FKBP5: variants seen among roughly 807,000 people sequenced by gnomAD.
The protein encoded by FKBP5 is peptidyl-prolyl cis-trans isomerase FKBP5.
Under a neutral mutation model 50.5 loss-of-function variants are expected in FKBP5, and 23 were observed. That is an observed-to-expected ratio of 0.46 (90% confidence interval 0.33 to 0.65). The LOEUF is 0.65. Among genes scored for constraint, FKBP5 ranks in the 30% least tolerant of loss-of-function variants. FKBP5 has a pLI of 0.02. For missense variants in FKBP5, 411 were observed against 553.1 expected, an observed-to-expected ratio of 0.74 and a Z score of 2.58; for synonymous variants, 176 against 190.6, an observed-to-expected ratio of 0.92 and a Z score of 0.63.
At chr6:35,696,252 T>A (rs1396669595) in intron 2 of FKBP5, among the ~76,000 whole-genome samples, 1 of 151,044 alleles carries the variant, frequency 6.6e-6, no homozygotes, top group Non-Finnish European at 1.5e-5. Context: ...CCAGGCACGG[T>A]GGCTCCTGCC....
Position 35,597,410 on chromosome 6 carries a change from G to A in FKBP5, c.509-6C>T, listed in dbSNP as rs760188486. On this transcript the variant is annotated splice_polypyrimidine_tract_variant and splice_region_variant and intron_variant, in intron 5 of 10. Transcript: ENST00000357266. ...ACAGCGGCCTTCCAGGTGGACTGAGGGCAAGGAGACAGGAGAGTCAACAGA... is the reference window on the plus strand; with the variant it reads ...ACAGCGGCCTTCCAGGTGGACTGAGAGCAAGGAGACAGGAGAGTCAACAGA... 95 of 1,612,400 alleles carry A rather than the reference G, an allele frequency of 5.9e-5. No individual in the cohort carries two copies. The highest frequency in any genetic ancestry group is 7.5e-5 in the Non-Finnish European group (89 of 1,179,482).
chr6:35,709,502 A>G (rs1318971860), intron 2 of FKBP5, among the ~76,000 whole-genome samples: 1 of 152,256 alleles, frequency 6.6e-6, no homozygotes, highest in Non-Finnish European at 1.5e-5. Flanking sequence ...TGAATTTTTC[A>G]CCATGTGCAA....
chr6:35,633,166 G>A (rs1764210535), intron 3 of FKBP5, among the ~76,000 whole-genome samples: 1 of 152,068 alleles, frequency 6.6e-6, no homozygotes, highest in South Asian at 2.1e-4. Context: ...GATCAATGGA[G>A]TTCAATGAAT....
Position 35,638,821 on chromosome 6 carries a change from A to G in FKBP5, c.106-1663T>C, listed in dbSNP as rs545528803. Among the ~76,000 whole-genome samples, 9 of 152,378 alleles carry G rather than the reference A, an allele frequency of 5.9e-5. No individual in the cohort carries two copies. In the South Asian group the frequency reaches 1.9e-3, roughly 32 times the overall value. On this transcript the variant is annotated intron_variant, in intron 2 of 10. Coordinates refer to ENST00000357266, the MANE Select transcript of FKBP5 (RefSeq NM_004117.4). ...TCTAAAAGATATTACACAATATTCT[A>G]CAAGTGCTCATGTTCACGAACTGCA...
chr6:35,643,777 C>T (rs75748027), intron 1 of FKBP5, among the ~76,000 whole-genome samples: 104 of 152,322 alleles, frequency 6.8e-4, no homozygotes, highest in African/African-American at 2.0e-3. Context: ...TGCCCTTTTA[C>T]GTACTTCCTT....
intron 5 of FKBP5, among the ~76,000 whole-genome samples, chr6:35,611,750 G>C (rs900289072): frequency 6.6e-6 from 1 of 151,956 alleles, no homozygotes; most frequent in Non-Finnish European, 1.5e-5. Flanking sequence ...AAAGCGTAGG[G>C]GGACAGATTC....
At chr6:35,634,235 G>A (rs1421594223) in intron 3 of FKBP5, among the ~76,000 whole-genome samples, 1 of 152,050 alleles carries the variant, frequency 6.6e-6, no homozygotes, top group Non-Finnish European at 1.5e-5. Context: ...GAACAAGGGG[G>A]TCTGACAAGG....
chr6:35,651,436 G>T (rs772286591), intron 1 of FKBP5, among the ~76,000 whole-genome samples: 9 of 152,096 alleles, frequency 5.9e-5, no homozygotes, highest in African/African-American at 1.2e-4. Flanking sequence ...CTCTGGCTGG[G>T]GTATGTTGAG....
At chr6:35,708,825 T>C (rs143345765) in intron 2 of FKBP5, among the ~76,000 whole-genome samples, 91 of 152,210 alleles carry the variant, frequency 6.0e-4, no homozygotes, top group African/African-American at 2.1e-3. Context: ...GACAGCCATA[T>C]TGAAACATGA....
chr6:35,583,475 A>G (rs1762506815), intron 8 of FKBP5: 2 of 985,296 alleles, frequency 2.0e-6, no homozygotes, highest in Non-Finnish European at 2.4e-6. Flanking sequence ...TCTTGCATAT[A>G]TATCATGTAA....
At position 35,716,336 on chromosome 6, in the gene FKBP5, G is replaced by A. The variant is rs984039086; in HGVS notation, c.-20+3992C>T. Among the ~76,000 whole-genome samples the A allele has an allele frequency of 5.9e-5, 9 of 152,088 alleles. No individual in the cohort carries two copies. The South Asian group carries it at 1.0e-3, about 18-fold the overall frequency. On this transcript the variant is annotated intron_variant, in intron 2 of 11. Coordinates refer to the FKBP5 transcript ENST00000536438. ...TGCAGTGAGCTACGATTGTGCCACC[G>A]CACTCGTCTAGGCAACAGAAATCCT...
upstream of FKBP5, among the ~76,000 whole-genome samples, chr6:35,690,423 C>G (rs1765962622): frequency 3.3e-5 from 5 of 151,508 alleles, no homozygotes; most frequent in South Asian, 1.0e-3. Flanking sequence ...CGAGATCGCA[C>G]CATTGCACTC....
chr6:35,668,172 A>C (rs1765281733), intron 1 of FKBP5, among the ~76,000 whole-genome samples: 1 of 152,246 alleles, frequency 6.6e-6, no homozygotes, highest in Admixed American at 6.5e-5. Context: ...CACTGCATAA[A>C]ATCCAACTCT....
chr6:35,723,443 A>G (rs1187442621), intron 1 of FKBP5, among the ~76,000 whole-genome samples: 1 of 152,136 alleles, frequency 6.6e-6, no homozygotes, highest in Non-Finnish European at 1.5e-5. Context: ...GCGTGGAGGT[A>G]GGAACAAATG....
intron 5 of FKBP5, among the ~76,000 whole-genome samples, chr6:35,605,374 T>G (rs1317877759): frequency 2.2e-5 from 3 of 139,208 alleles, no homozygotes; most frequent in African/African-American, 7.9e-5. Flanking sequence ...GAGCCACCTA[T>G]GACAATATCT....
At chr6:35,602,796 C>A (rs761334988) in intron 5 of FKBP5, among the ~76,000 whole-genome samples, 1 of 152,108 alleles carries the variant, frequency 6.6e-6, no homozygotes, top group African/African-American at 2.4e-5. Context: ...TGCTAACAGG[C>A]GTGGAACCTG....
At chr6:35,689,583 C>T (rs780934627), upstream of FKBP5, among the ~76,000 whole-genome samples, 3 of 152,138 alleles carry the variant, frequency 2.0e-5, no homozygotes, top group Non-Finnish European at 2.9e-5. Context: ...TGGCTCACGC[C>T]TGTAATCCCA....
intron 1 of FKBP5, among the ~76,000 whole-genome samples, chr6:35,683,118 A>ATGTGTGTGTGTGTGTGTGTG (rs1269365673): frequency 9.2e-6 from 1 of 108,814 alleles, no homozygotes; most frequent in Admixed American, 1.0e-4. Flanking sequence ...ATATATACGT[A>ATGTGTGTGTGTGTGTGTGTG]TATGTGTGTG....
chr6:35,648,625 A>G (rs949133919), intron 1 of FKBP5, among the ~76,000 whole-genome samples: 1 of 152,064 alleles, frequency 6.6e-6, no homozygotes, highest in Non-Finnish European at 1.5e-5. Flanking sequence ...TATATTCAAT[A>G]TATCATTTAG....
Sources: allele counts gnomAD v4.1 joint callset (sites outside exome capture counted in the v4.1 genomes callset), GRCh38; gene constraint gnomAD v4.1.1; transcripts MANE v1.5; gene names NCBI Gene and HGNC (gene_info 2026-07-23, HGNC 2026-07-21).